The following SENP7 variants were observed in gnomAD, a reference collection of about 807,000 sequenced individuals.
SENP7 encodes the protein SUMO specific peptidase 7, also known as sentrin-specific protease 7.
Under a neutral mutation model 141.2 loss-of-function variants are expected in SENP7, and 64 were observed. The observed-to-expected ratio is 0.45, with a 90% CI of 0.37 to 0.56. SENP7 has a LOEUF of 0.56. Ranked by LOEUF, SENP7 falls within the 20% of genes least tolerant of loss-of-function variation. The probability of loss-of-function intolerance (pLI) is 0.00; values close to 1 mark genes in which losing one functional copy is unlikely to be tolerated. For synonymous variants in SENP7, 382 were observed against 426.4 expected (o/e 0.90, Z 1.28); for missense variants, 1,025 against 1,212.2 (o/e 0.85, Z 2.29).
At chr3:101,397,258 A>G (rs1008307184) in intron 6 of SENP7, among the ~76,000 whole-genome samples, 5 of 152,160 alleles carry the variant, frequency 3.3e-5, no homozygotes, top group African/African-American at 1.2e-4. Flanking sequence ...CAGCCTCCCA[A>G]GTAGCTGAGA....
intron 1 of SENP7, among the ~76,000 whole-genome samples, 154 bp from the exon 2 acceptor site, chr3:101,501,273 A>C (rs1399859588): frequency 6.6e-6 from 1 of 151,884 alleles, no homozygotes; most frequent in Non-Finnish European, 1.5e-5. Flanking sequence ...AGGGCTAAAC[A>C]TAAAAGTCAA....
intron 3 of SENP7, among the ~76,000 whole-genome samples, chr3:101,461,085 C>T (rs1168988271): frequency 2.0e-5 from 3 of 151,992 alleles, no homozygotes; most frequent in Non-Finnish European, 2.9e-5. Flanking sequence ...TTAGAAGACA[C>T]TCAGTGTCAT....
At chr3:101,446,707 A>T (rs2062910931) in intron 4 of SENP7, among the ~76,000 whole-genome samples, 1 of 152,216 alleles carries the variant, frequency 6.6e-6, no homozygotes, top group Non-Finnish European at 1.5e-5. Flanking sequence ...AATTTTTTTT[A>T]CTTCCTGAAA....
chr3:101,463,374 T>TATATATATACACAC (rs1559864868), intron 3 of SENP7, among the ~76,000 whole-genome samples: 6 of 86,006 alleles, frequency 7.0e-5, no homozygotes, highest in Non-Finnish European at 1.3e-4. Context: ...AATATATATA[T>TATATATATACACAC]ATATATATAT....
At chr3:101,444,774 G>A (rs1359616870) in intron 4 of SENP7, among the ~76,000 whole-genome samples, 1 of 151,328 alleles carries the variant, frequency 6.6e-6, no homozygotes, top group African/African-American at 2.4e-5. Flanking sequence ...GATAGCATTG[G>A]GAGATATACC....
Position 101,453,252 on chromosome 3 carries a change from T to C in SENP7, c.284+5703A>G, listed in dbSNP as rs191842107. On this transcript the variant is annotated intron_variant, in intron 4 of 23. Coordinates refer to ENST00000394095, the MANE Select transcript of SENP7 (RefSeq NM_020654.5). ...AGAGAATGTGGAGAAACTGGAATAC[T>C]TTTACACTGTTGGTGGGACTGTAAA... 7.4e-4 allele frequency among the ~76,000 whole-genome samples: 112 copies of C among 152,324 alleles called. No individual in the cohort carries two copies. In the East Asian group the frequency reaches 0.013, roughly 18 times the overall value.
chr3:101,463,416 T>TATATATATATATAC (rs1175438899), intron 3 of SENP7, among the ~76,000 whole-genome samples: 17 of 116,488 alleles, frequency 1.5e-4, no homozygotes, highest in East Asian at 7.8e-4. Flanking sequence ...TATATATATA[T>TATATATATATATAC]ACACACACAT....
chr3:101,442,089 A>G (rs986923328), intron 4 of SENP7, among the ~76,000 whole-genome samples: 1 of 152,214 alleles, frequency 6.6e-6, no homozygotes, highest in Non-Finnish European at 1.5e-5. Context: ...CAACTGTCAC[A>G]CCAGATGCAT....
chr3:101,493,917 G>A lies in SENP7; in HGVS notation c.142C>T (p.Leu48=), dbSNP rs1399786800. The A allele has an allele frequency of 3.7e-6, 6 of 1,610,860 alleles. No individual in the cohort carries two copies. The Admixed American group carries it at 1.0e-4, about 27-fold the overall frequency. Reference sequence around the variant, plus strand: ...CGTTCTGAGCTTCTGAATTTGGACAGTGGTGATTGAACATGGACATCCTCT... The same window carrying A: ...CGTTCTGAGCTTCTGAATTTGGACAATGGTGATTGAACATGGACATCCTCT... ...KPEDVHVQSP[L]SKFRSSERWT... is the part of the protein sequence containing the mutation. Residue 48 remains leucine, a synonymous_variant, in exon 3 of 24, where the codon CTG becomes TTG. Transcript: ENST00000394095.
In SENP7 at chr3:101,459,004, T is replaced by G. The variant is rs6809436; in HGVS notation, c.235A>C (p.Lys79Gln). The G allele has an allele frequency of 0.079, 127,544 of 1,606,772 alleles. 5,719 individuals are homozygous for G. The highest frequency in any genetic ancestry group is 0.15 in the African/African-American group (11,127 of 74,648). ...ACAGGACACCCTCGGATATGTTTTT[T>G]ATTTTTATGGTCTAGAGAGATGACT... Reference protein sequence around the residue: ...NKVISLDHKNKKHIRGCPVTS... With the variant: ...NKVISLDHKNQKHIRGCPVTS... Residue 79 changes from lysine (K) to glutamine (Q), a missense_variant, in exon 4 of 24, where the codon AAA becomes CAA. Physicochemically the swap from Lys to Gln is moderately conservative, Grantham distance 53. Transcript: ENST00000394095.
chr3:101,380,445 C>CCACACACA lies in SENP7; in HGVS notation c.678-8327_678-8320dup, dbSNP rs1553707805. On this transcript the variant is annotated intron_variant, in intron 6 of 23. Transcript: ENST00000394095. ...GTAAAGCAAACCACCGCCCCCCCCC[C>CCACACACA]CACACACACACACAAAACAAAACAT... 9.0e-3 allele frequency among the ~76,000 whole-genome samples: 1,158 copies of CCACACACA among 128,830 alleles called. 13 individuals carry two copies. The highest frequency in any genetic ancestry group is 0.027 in the Admixed American group (338 of 12,548). 84.5% of individuals were successfully genotyped at this position (128,830 alleles called of 152,430 possible). A position where few individuals can be genotyped will look rare whatever the true frequency, so the allele number is the denominator to read the frequency against.
At position 101,327,938 on chromosome 3, in the gene SENP7, T is replaced by G. The variant is rs1576791053; in HGVS notation, c.2865-122A>C. On this transcript the variant is annotated intron_variant, in intron 22 of 23. Transcript: ENST00000394095. The stretch of plus-strand genomic sequence containing the variant: ...GCTGTCTCAAGCCAAATTTCCACAC[T>G]GAATTTTAGCAGTGCAACCTACATT... The G allele has an allele frequency of 8.2e-6, 6 of 733,714 alleles. No individual in the cohort carries two copies. In the East Asian group the frequency reaches 1.8e-4, roughly 22 times the overall value. 45.5% of individuals were successfully genotyped at this position (733,714 alleles called of 1,614,324 possible). A position where few individuals can be genotyped will look rare whatever the true frequency, so the allele number is the denominator to read the frequency against.
At chr3:101,492,446 A>G (rs951426544) in intron 3 of SENP7, among the ~76,000 whole-genome samples, 3 of 152,242 alleles carry the variant, frequency 2.0e-5, no homozygotes, top group African/African-American at 7.2e-5. Context: ...AAGATTACTT[A>G]AAACACGTTA....
intron 3 of SENP7, among the ~76,000 whole-genome samples, chr3:101,475,652 A>T (rs2064186390): frequency 1.3e-5 from 2 of 152,208 alleles, no homozygotes; most frequent in Admixed American, 1.3e-4. Context: ...GCACACGTTT[A>T]CCTATTTAAC....
intron 6 of SENP7, among the ~76,000 whole-genome samples, chr3:101,383,004 G>A (rs912734762): frequency 1.3e-5 from 2 of 152,154 alleles, no homozygotes; most frequent in Admixed American, 6.5e-5. Flanking sequence ...AATACTAACA[G>A]AAACTCATAT....
At chr3:101,425,188 T>G (rs758441197) in intron 4 of SENP7, among the ~76,000 whole-genome samples, 2 of 152,174 alleles carry the variant, frequency 1.3e-5, no homozygotes, top group South Asian at 4.1e-4. Context: ...TGCTGGCACA[T>G]GCAAATGAGG....
chr3:101,487,550 A>ATTTTTTT lies in SENP7; in HGVS notation c.186+6322_186+6323insAAAAAAA, dbSNP rs2064782856. Among the ~76,000 whole-genome samples, 4 of 152,312 alleles carry ATTTTTTT rather than the reference A, an allele frequency of 2.6e-5. No individual in the cohort carries two copies. In the East Asian group the frequency reaches 7.7e-4, roughly 29 times the overall value. On this transcript the variant is annotated intron_variant, in intron 3 of 23. Transcript: ENST00000394095. ...TTCTTTGCCAAGGCTGATAACAAGAAGGGTATTTCCTAGGTATTTTTCCTA... is the reference window on the plus strand; with the variant it reads ...TTCTTTGCCAAGGCTGATAACAAGAATTTTTTTGGGTATTTCCTAGGTATTTTTCCTA...
intron 1 of SENP7, among the ~76,000 whole-genome samples, chr3:101,504,300 A>AT (rs2065504826): frequency 6.6e-6 from 1 of 151,270 alleles, no homozygotes; most frequent in African/African-American, 2.4e-5. Flanking sequence ...AAAATACAAA[A>AT]AAAAAAAAAT....
chr3:101,364,789 G>C (rs774375821), intron 10 of SENP7, 45 bp downstream of exon 10: 3 of 1,295,948 alleles, frequency 2.3e-6, no homozygotes, highest in Non-Finnish European at 3.2e-6. Context: ...TTAACCAATA[G>C]TGTACATTTC....
Sources: gnomAD v4.1 joint callset for allele counts (sites outside exome capture counted in the v4.1 genomes callset) on GRCh38, gnomAD v4.1.1 for gene constraint, MANE v1.5 for transcripts, NCBI Gene and HGNC (gene_info 2026-07-23, HGNC 2026-07-21) for gene names.